Variants in DRD3 observed in about 807,000 individuals in gnomAD.
DRD3 encodes dopamine receptor D3, also known as D(3) dopamine receptor.
Under a neutral mutation model 36.3 loss-of-function variants are expected in DRD3, and 19 were observed. That is an observed-to-expected ratio of 0.52 (90% CI 0.36 to 0.77). DRD3 has a LOEUF of 0.77. Ranked by LOEUF, DRD3 falls within the 30% of genes least tolerant of loss-of-function variation. The probability of loss-of-function intolerance (pLI) is 0.00; values close to 1 mark genes in which losing one functional copy is unlikely to be tolerated. For missense variants in DRD3, 465 were observed against 505.3 expected (o/e 0.92, Z 0.77); for synonymous variants, 195 against 203.7 (o/e 0.96, Z 0.36).
intron 1 of DRD3, among the ~76,000 whole-genome samples, chr3:114,186,452 C>A (rs1310625645): frequency 6.6e-6 from 1 of 152,118 alleles, no homozygotes; most frequent in African/African-American, 2.4e-5. Context: ...GTTACTACAG[C>A]CAGACAGGGA....
intron 3 of DRD3, among the ~76,000 whole-genome samples, chr3:114,155,460 A>T (rs1440922430): frequency 6.6e-6 from 1 of 152,172 alleles, no homozygotes; most frequent in Non-Finnish European, 1.5e-5. Flanking sequence ...TATGGGACAG[A>T]AGCCAATTCA....
chr3:114,190,083 C>A (rs2077995958), intron 1 of DRD3, among the ~76,000 whole-genome samples: 1 of 151,958 alleles, frequency 6.6e-6, no homozygotes, highest in Non-Finnish European at 1.5e-5. Flanking sequence ...AAAATTCACT[C>A]ATAAAAACAT....
At chr3:114,164,854 T>G (rs1577611760) in intron 2 of DRD3, among the ~76,000 whole-genome samples, 1 of 152,112 alleles carries the variant, frequency 6.6e-6, no homozygotes, top group Non-Finnish European at 1.5e-5. Context: ...CGGGTTCAAG[T>G]GATTCTCCTG....
Position 114,197,360 on chromosome 3 carries a change from A to AT in DRD3, c.-156+1912dup, listed in dbSNP as rs553511061. Among the ~76,000 whole-genome samples, 8 of 146,914 alleles carry AT rather than the reference A, an allele frequency of 5.4e-5. No homozygotes were observed. The South Asian group carries it at 1.3e-3, about 24-fold the overall frequency. Reference sequence around the variant, plus strand: ...GGTCTTGAACTCCTGGCCTCAAACAATCTCCCCACCTCAGACTCCCAAAAT... The same window carrying AT: ...GGTCTTGAACTCCTGGCCTCAAACAATTCTCCCCACCTCAGACTCCCAAAAT... On this transcript the variant is annotated intron_variant, in intron 1 of 7. Transcript: ENST00000460779.
chr3:114,192,445 T>G (rs1253840675), intron 1 of DRD3, among the ~76,000 whole-genome samples: 1 of 152,212 alleles, frequency 6.6e-6, no homozygotes, highest in African/African-American at 2.4e-5. Flanking sequence ...GTATAGTCAA[T>G]TTCTCAATGC....
At chr3:114,195,474 A>C (rs1469196083) in intron 1 of DRD3, among the ~76,000 whole-genome samples, 1 of 152,228 alleles carries the variant, frequency 6.6e-6, no homozygotes, top group African/African-American at 2.4e-5. Flanking sequence ...TAAAATGTAT[A>C]AAATTATGAA....
chr3:114,148,317 C>A (rs910855338), intron 3 of DRD3, among the ~76,000 whole-genome samples: 1 of 152,142 alleles, frequency 6.6e-6, no homozygotes, highest in African/African-American at 2.4e-5. Flanking sequence ...ATATTTACCT[C>A]CTGCTTGTAT....
chr3:114,170,026 A>G (rs1247906248), intron 2 of DRD3, among the ~76,000 whole-genome samples: 1 of 152,230 alleles, frequency 6.6e-6, no homozygotes, highest in African/African-American at 2.4e-5. Context: ...CATTCCTTGG[A>G]ACACATAGAA....
upstream of DRD3, among the ~76,000 whole-genome samples, chr3:114,182,325 CTTA>C (rs150772796): frequency 0.055 from 8,335 of 152,186 alleles, 765 homozygotes; most frequent in African/African-American, 0.19. Context: ...GTTCAACTCA[CTTA>C]TTATTATCTA....
chr3:114,173,446 G>T (rs2077866190), intron 1 of DRD3, among the ~76,000 whole-genome samples: 1 of 152,076 alleles, frequency 6.6e-6, no homozygotes, highest in Admixed American at 6.5e-5. Flanking sequence ...CTACCCAACT[G>T]CTCAGAGCCT....
intron 3 of DRD3, among the ~76,000 whole-genome samples, chr3:114,156,053 CA>C (rs2077664291): frequency 6.6e-6 from 1 of 152,210 alleles, no homozygotes; most frequent in Admixed American, 6.5e-5. Context: ...CTTTGACACA[CA>C]TTAACTCATT....
In DRD3 at chr3:114,189,782, C is replaced by G. The variant is rs373626135; in HGVS notation, c.-156+9491G>C. 1.3e-4 allele frequency among the ~76,000 whole-genome samples: 20 copies of G among 152,320 alleles called. No individual in the cohort carries two copies. The South Asian group carries it at 3.5e-3, about 27-fold the overall frequency. The stretch of plus-strand genomic sequence containing the variant: ...GCCCCGAAGGGCTTTGAGTTTGCAA[C>G]CCCTGGAAGAAGGTGACACTGTGGC... On this transcript the variant is annotated intron_variant, in intron 1 of 7. Coordinates refer to the DRD3 transcript ENST00000460779.
chr3:114,186,765 G>A (rs1053878614), intron 1 of DRD3, among the ~76,000 whole-genome samples: 3 of 152,212 alleles, frequency 2.0e-5, no homozygotes, highest in Non-Finnish European at 4.4e-5. Flanking sequence ...ATAGATTCCA[G>A]AGTTCCAAAA....
intron 1 of DRD3, among the ~76,000 whole-genome samples, chr3:114,172,387 T>C (rs2077855165): frequency 6.6e-6 from 1 of 152,106 alleles, no homozygotes; most frequent in Admixed American, 6.5e-5. Context: ...CATGGAGAAA[T>C]CAGCAATTGA....
At chr3:114,154,595 CT>C (rs149095541) in intron 3 of DRD3, among the ~76,000 whole-genome samples, 3,354 of 152,184 alleles carry the variant, frequency 0.022, 132 homozygotes, top group African/African-American at 0.077. Context: ...ACTGGAAAGC[CT>C]TTTGCAAATA....
chr3:114,144,406 T>C (rs1408473376), intron 4 of DRD3, among the ~76,000 whole-genome samples: 1 of 152,170 alleles, frequency 6.6e-6, no homozygotes, highest in Non-Finnish European at 1.5e-5. Flanking sequence ...GTAGAAAAAA[T>C]GACTGAGAAG....
upstream of DRD3, among the ~76,000 whole-genome samples, chr3:114,180,210 TATTTAGAAATCATTTAGATG>T (rs1410390573): frequency 6.6e-6 from 1 of 152,142 alleles, no homozygotes; most frequent in South Asian, 2.1e-4. Flanking sequence ...TATATAATTA[TATTTAGAAATCATTTAGATG>T]ATTTAGAAAT....
chr3:114,195,086 C>G (rs939472658), intron 1 of DRD3, among the ~76,000 whole-genome samples: 2 of 152,094 alleles, frequency 1.3e-5, no homozygotes, highest in African/African-American at 4.8e-5. Context: ...AGAGGCTTAT[C>G]AAGTACTTTA....
intron 1 of DRD3, among the ~76,000 whole-genome samples, chr3:114,172,306 G>C (rs183458509): frequency 1.3e-5 from 2 of 152,328 alleles, no homozygotes; most frequent in Admixed American, 1.3e-4. Flanking sequence ...AGACAAATCA[G>C]AGAGGCAGGT....
Sources: gnomAD v4.1 joint callset for allele counts (sites outside exome capture counted in the v4.1 genomes callset) on GRCh38, gnomAD v4.1.1 for gene constraint, MANE v1.5 for transcripts, NCBI Gene and HGNC (gene_info 2026-07-23, HGNC 2026-07-21) for gene names.